Variants in ABCC2 observed in about 807,000 individuals in gnomAD.
ABCC2 encodes the protein ATP-binding cassette sub-family C member 2.
A neutral mutation model predicts 173.4 loss-of-function variants in ABCC2; 157 were observed. The ratio of observed to expected loss-of-function variants is 0.91; its 90% CI spans 0.80 to 1.03. The LOEUF (loss-of-function observed/expected upper bound fraction) is 1.03. Ranked by LOEUF, ABCC2 falls within the 50% of genes least tolerant of loss-of-function variation. ABCC2 has a pLI of 0.00. For missense variants in ABCC2, 1,822 were observed against 1,852.3 expected (o/e 0.98, Z 0.30); for synonymous variants, 657 against 693.5 (o/e 0.95, Z 0.83).
chr10:99,797,062 T>C, intron 6 of ABCC2, 35 bp from the exon 7 acceptor site: 2 of 1,599,264 alleles, frequency 1.3e-6, no homozygotes, highest in Non-Finnish European at 1.7e-6. Context: ...TGACCCAGCC[T>C]GGGGGTCTCA....
chr10:99,819,895 C>T (rs1252615334), intron 19 of ABCC2, among the ~76,000 whole-genome samples: 1 of 152,186 alleles, frequency 6.6e-6, no homozygotes. Context: ...GTGACCCTTC[C>T]CAAGGACCTG....
Position 99,844,470 on chromosome 10 carries a change from G to C in ABCC2, c.3987+5G>C. 1.2e-6 allele frequency: 2 copies of C among 1,613,034 alleles called. No homozygotes were observed. The highest frequency in any genetic ancestry group is 1.7e-6 in the Non-Finnish European group (2 of 1,180,022). On this transcript the variant is annotated splice_donor_5th_base_variant and intron_variant, in intron 28 of 31. Transcript: ENST00000647814. ...GACATCGGTAGCATGGAGAAGGTAG[G>C]TGGAGTGAAGGAAGGCCTGGATGGG...
chr10:99,812,825 T>G (rs760002198), intron 15 of ABCC2, among the ~76,000 whole-genome samples, 193 bp from the exon 16 acceptor site: 1 of 152,242 alleles, frequency 6.6e-6, no homozygotes, highest in Non-Finnish European at 1.5e-5. Context: ...TTCTCTAGCC[T>G]TTTAGAGCTA....
At chr10:99,824,810 G>A (rs1355581595) in intron 19 of ABCC2, among the ~76,000 whole-genome samples, 2 of 149,704 alleles carry the variant, frequency 1.3e-5, no homozygotes, top group Non-Finnish European at 3.0e-5. Flanking sequence ...TACGCCATTT[G>A]CCTGATTTCT....
At chr10:99,849,658 G>A (rs2133156626) in intron 30 of ABCC2, among the ~76,000 whole-genome samples, 1 of 152,282 alleles carries the variant, frequency 6.6e-6, no homozygotes, top group Admixed American at 6.5e-5. Context: ...TTACACTTTG[G>A]GCCAGGCAGG....
chr10:99,844,563 G>A, intron 28 of ABCC2, 98 bp downstream of exon 28: 1 of 1,521,502 alleles, frequency 6.6e-7, no homozygotes, highest in South Asian at 1.1e-5. Flanking sequence ...TCATCATTTG[G>A]ATGGAGGGAA....
chr10:99,819,731 G>T (rs960167561), intron 19 of ABCC2, among the ~76,000 whole-genome samples: 6 of 152,176 alleles, frequency 3.9e-5, no homozygotes, highest in African/African-American at 1.4e-4. Context: ...CTAACAAAGG[G>T]ATTTTGATTA....
At position 99,851,574 on chromosome 10, in the gene ABCC2, C is replaced by A; in HGVS notation, c.4581C>A (p.Pro1527=). 1.2e-6 allele frequency: 2 copies of A among 1,614,174 alleles called. No homozygotes were observed. Among genetic ancestry groups the A allele is most frequent in the Non-Finnish European group, 1.7e-6 (2 of 1,180,022 alleles). Residue 1527 remains proline (P), a synonymous_variant, in exon 32 of 32, where the codon CCC becomes CCA. Coordinates refer to ENST00000647814, the MANE Select transcript of ABCC2 (RefSeq NM_000392.5). The part of the protein sequence containing the change: ...SPEELLQIPG[P]FYFMAKEAGI... ...AAGAACTGCTACAAATCCCTGGACC[C>A]TTTTACTTTATGGCTAAGGAAGCTG...
chr10:99,794,575 G>T (rs918238826), intron 6 of ABCC2, 107 bp downstream of exon 6: 21 of 1,119,248 alleles, frequency 1.9e-5, no homozygotes, highest in Middle Eastern at 2.5e-4. Flanking sequence ...ATGGAGTTTT[G>T]CTCTTGTTGC....
intron 10 of ABCC2, among the ~76,000 whole-genome samples, chr10:99,804,875 C>T (rs1486281890): frequency 1.4e-4 from 22 of 152,232 alleles, no homozygotes. Context: ...GGCTCCTGTT[C>T]TCATGGATCT....
At chr10:99,846,832 C>T (rs982269076) in intron 29 of ABCC2, 129 bp from the exon 30 acceptor site, 1 of 1,326,826 alleles carries the variant, frequency 7.5e-7, no homozygotes, top group East Asian at 2.3e-5. Context: ...GGAAGCTCAA[C>T]CACAAACCAG....
At chr10:99,833,086 A>C (rs75466745) in intron 23 of ABCC2, among the ~76,000 whole-genome samples, 2 of 152,198 alleles carry the variant, frequency 1.3e-5, no homozygotes, top group Non-Finnish European at 2.9e-5. Context: ...AGACATAGAA[A>C]GTATAGCTCA....
Position 99,785,829 on chromosome 10 carries a change from T to G in ABCC2, c.207+1048T>G, listed in dbSNP as rs11817399. On this transcript the variant is annotated intron_variant, in intron 2 of 31. Coordinates refer to ENST00000647814, the MANE Select transcript of ABCC2 (RefSeq NM_000392.5). ...CCACCTGCACAGCCTCTGTCAGTCC[T>G]TATCTTTCAACAGGTTTTTAGAAAG... 6.9e-3 allele frequency among the ~76,000 whole-genome samples: 1,050 copies of G among 152,166 alleles called. 12 individuals are homozygous for G. Among genetic ancestry groups the G allele is most frequent in the African/African-American group, 0.024 (991 of 41,500 alleles).
chr10:99,795,738 GGAAAGAAAGAAAGAAA>G (rs1205497592), intron 6 of ABCC2, among the ~76,000 whole-genome samples: 1 of 28,730 alleles, frequency 3.5e-5, no homozygotes, highest in African/African-American at 1.2e-4. Flanking sequence ...AAAGAAAGAA[GGAAAGAAAGAAAGAAA>G]GAAAGAAAGA....
intron 25 of ABCC2, among the ~76,000 whole-genome samples, chr10:99,838,073 C>T (rs2038855753): frequency 1.5e-5 from 1 of 67,212 alleles, no homozygotes. Flanking sequence ...CCCTCACCTC[C>T]CGGACGGGGC....
chr10:99,851,023 CTG>C (rs1243967214), intron 31 of ABCC2, among the ~76,000 whole-genome samples: 3 of 152,182 alleles, frequency 2.0e-5, no homozygotes, highest in Admixed American at 6.5e-5. Context: ...AAATAGGAAA[CTG>C]TGTGTTGTAA....
At chr10:99,785,759 C>T (rs917867306) in intron 2 of ABCC2, among the ~76,000 whole-genome samples, 1 of 152,014 alleles carries the variant, frequency 6.6e-6, no homozygotes, top group South Asian at 2.1e-4. Flanking sequence ...CTCAAGTGAT[C>T]CCTCCTGCCT....
chr10:99,803,990 TG>T (rs1225534357), intron 9 of ABCC2, 28 bp from the exon 10 acceptor site: 7 of 1,614,030 alleles, frequency 4.3e-6, no homozygotes, highest in Non-Finnish European at 5.1e-6. Flanking sequence ...GCTTTGTCCA[TG>T]GGTCCTAATT....
Position 99,851,836 on chromosome 10 carries a change from C to A in ABCC2, c.*205C>A. On this transcript the variant is annotated 3_prime_UTR_variant, in exon 32 of 32. Coordinates refer to ENST00000647814, the MANE Select transcript of ABCC2 (RefSeq NM_000392.5). The stretch of plus-strand genomic sequence containing the variant: ...AAACCCCTCGATTGTCTACCTCGAT[C>A]GTACTTCCTTGCTACCCACCCCTCC... The A allele has an allele frequency of 2.1e-6, 1 of 481,866 alleles. No individual in the cohort carries two copies. Among genetic ancestry groups the A allele is most frequent in the Non-Finnish European group, 3.6e-6 (1 of 281,026 alleles). The allele number at this position is 481,866 out of a possible 1,614,324, so 29.8% of individuals were successfully genotyped here.
Sources: allele counts gnomAD v4.1 joint callset (sites outside exome capture counted in the v4.1 genomes callset), GRCh38; gene constraint gnomAD v4.1.1; transcripts MANE v1.5; gene names NCBI Gene and HGNC (gene_info 2026-07-23, HGNC 2026-07-21).